ZSWIM6: variants seen among roughly 807,000 people sequenced by gnomAD.
ZSWIM6 encodes the protein zinc finger SWIM-type containing 6.
A neutral mutation model predicts 113.2 loss-of-function variants in ZSWIM6; 9 were observed. The ratio of observed to expected loss-of-function variants is 0.08; its 90% CI spans 0.05 to 0.14. The LOEUF is 0.14. Among genes scored for constraint, ZSWIM6 ranks in the 10% least tolerant of loss-of-function variants. ZSWIM6 has a pLI of 1.00. For synonymous variants in ZSWIM6, 611 were observed against 606.5 expected, an observed-to-expected ratio of 1.01 and a Z score of -0.11; for missense variants, 1,162 against 1,552.2, an observed-to-expected ratio of 0.75 and a Z score of 4.22.
chr5:61,435,991 C>T (rs553595154), intron 1 of ZSWIM6, among the ~76,000 whole-genome samples: 3 of 152,086 alleles, frequency 2.0e-5, no homozygotes, highest in Non-Finnish European at 4.4e-5. Flanking sequence ...CACCTGAAGT[C>T]GGGAGTTCAA....
intron 9 of ZSWIM6, 120 bp downstream of exon 9, chr5:61,531,845 C>G (rs1749443766): frequency 1.8e-6 from 2 of 1,105,122 alleles, no homozygotes; most frequent in Non-Finnish European, 2.5e-6. Flanking sequence ...TTGCTATAGT[C>G]ATGGGGTATC....
chr5:61,466,344 T>A (rs1489362561), intron 1 of ZSWIM6, among the ~76,000 whole-genome samples: 1 of 152,162 alleles, frequency 6.6e-6, no homozygotes, highest in Non-Finnish European at 1.5e-5. Context: ...CACTTTTGCA[T>A]TTTTAGACTT....
rs1478180873 is a variant in ZSWIM6, at chr5:61,538,817, A to G, written c.2385A>G (p.Leu795=). 2 of 1,550,800 alleles carry G rather than the reference A, an allele frequency of 1.3e-6. No homozygotes were observed. The highest frequency in any genetic ancestry group is 2.4e-5 in the East Asian group (1 of 40,910). ...AYKIALRAMR[L]LVLESTAPSG... is the part of the protein sequence containing the mutation. ...CTTCCTTGTCTTCTCATTATAGGTT[A>G]CTAGTATTGGAATCTACTGCTCCAT... is the stretch of plus-strand genomic sequence containing the variant. Residue 795 remains leucine, a synonymous_variant, in exon 11 of 14, where the codon TTA becomes TTG. Coordinates refer to ENST00000252744, the MANE Select transcript of ZSWIM6 (RefSeq NM_020928.2).
intron 1 of ZSWIM6, among the ~76,000 whole-genome samples, chr5:61,450,490 A>T (rs1187256408): frequency 6.6e-6 from 1 of 152,202 alleles, no homozygotes; most frequent in Non-Finnish European, 1.5e-5. Flanking sequence ...AGGCCAAGTA[A>T]GGGCCACAAA....
intron 1 of ZSWIM6, among the ~76,000 whole-genome samples, chr5:61,466,046 T>C (rs868339533): frequency 5.9e-5 from 9 of 152,312 alleles, no homozygotes; most frequent in Middle Eastern, 6.8e-3. Flanking sequence ...AGGAATATGA[T>C]ATTTCATACA....
intron 1 of ZSWIM6, among the ~76,000 whole-genome samples, chr5:61,466,961 C>G (rs1747449558): frequency 6.6e-6 from 1 of 151,928 alleles, no homozygotes; most frequent in African/African-American, 2.4e-5. Context: ...GTGAAATTAA[C>G]ATAGATGATT....
At chr5:61,420,488 A>G (rs962463035) in intron 1 of ZSWIM6, among the ~76,000 whole-genome samples, 1 of 149,802 alleles carries the variant, frequency 6.7e-6, no homozygotes, top group Non-Finnish European at 1.5e-5. Context: ...TTACCAGAAC[A>G]CAATTTTTTT....
intron 1 of ZSWIM6, among the ~76,000 whole-genome samples, chr5:61,422,431 A>G (rs910632422): frequency 2.6e-5 from 4 of 152,110 alleles, no homozygotes; most frequent in African/African-American, 7.2e-5. Context: ...CTAAGTGTCT[A>G]TTTTTATGCT....
At position 61,521,296 on chromosome 5, in the gene ZSWIM6, A is replaced by T. The variant is rs1749114656; in HGVS notation, c.1367A>T (p.His456Leu). The change falls in exon 5 of 14, where the codon CAC becomes CTC. Residue 456 changes from histidine to leucine, a missense_variant. Around this residue, in one of 4 missense-constraint regions of ZSWIM6, gnomAD observed 620 missense variants for 804.6 expected, o/e 0.77. Transcript: ENST00000252744. The stretch of plus-strand genomic sequence containing the variant: ...TGGATGTGTATAGTTTTAAACCCCC[A>T]CTGCAAGTTGGAGCAAAAGGCCAGT... ...ALWMCIVLNP[H>L]CKLEQKASWL... The T allele has an allele frequency of 6.6e-7, 1 of 1,506,840 alleles. No individual in the cohort carries two copies. The highest frequency in any genetic ancestry group is 8.9e-7 in the Non-Finnish European group (1 of 1,125,284). 93.3% of individuals were successfully genotyped at this position (1,506,840 alleles called of 1,614,324 possible).
intron 1 of ZSWIM6, among the ~76,000 whole-genome samples, chr5:61,471,610 G>A (rs891124174): frequency 2.0e-5 from 3 of 152,214 alleles, no homozygotes; most frequent in Non-Finnish European, 4.4e-5. Context: ...ACCCTGGGCC[G>A]TGGACCAGTA....
chr5:61,337,301 A>C (rs1332302087), intron 1 of ZSWIM6, among the ~76,000 whole-genome samples: 2 of 151,866 alleles, frequency 1.3e-5, no homozygotes, highest in African/African-American at 4.8e-5. Context: ...AAACAAAAAC[A>C]AAAAAAACGA....
At chr5:61,527,285 A>T (rs1561279363) in intron 7 of ZSWIM6, among the ~76,000 whole-genome samples, 1 of 151,058 alleles carries the variant, frequency 6.6e-6, no homozygotes, top group African/African-American at 2.4e-5. Flanking sequence ...GTTCGTTTTC[A>T]CTCTGTGATT....
At chr5:61,502,025 T>A (rs754845091) in intron 4 of ZSWIM6, among the ~76,000 whole-genome samples, 40 of 152,156 alleles carry the variant, frequency 2.6e-4, no homozygotes, top group Admixed American at 1.4e-3. Context: ...TAGAGAGTAC[T>A]ATCATGGTAG....
chr5:61,348,089 C>T (rs537582596), intron 1 of ZSWIM6, among the ~76,000 whole-genome samples: 25 of 151,954 alleles, frequency 1.6e-4, no homozygotes, highest in Non-Finnish European at 1.9e-4. Flanking sequence ...GGTGTGGTGG[C>T]GGGCGCCTGT....
chr5:61,370,712 C>T (rs1166644353), intron 1 of ZSWIM6, among the ~76,000 whole-genome samples: 1 of 152,166 alleles, frequency 6.6e-6, no homozygotes, highest in Non-Finnish European at 1.5e-5. Flanking sequence ...GGCCAAAGGG[C>T]ATGTTGGATG....
intron 1 of ZSWIM6, among the ~76,000 whole-genome samples, chr5:61,417,126 G>A (rs924979031): frequency 1.6e-4 from 25 of 151,900 alleles, no homozygotes; most frequent in Non-Finnish European, 2.9e-4. Context: ...TGGGCAACAA[G>A]AGCAAACTCC....
At chr5:61,353,202 G>A (rs1744827813) in intron 1 of ZSWIM6, among the ~76,000 whole-genome samples, 2 of 152,034 alleles carry the variant, frequency 1.3e-5, no homozygotes, top group Non-Finnish European at 1.5e-5. Flanking sequence ...TTTGGGATGA[G>A]GATTGGGATG....
Position 61,423,890 on chromosome 5 carries a change from A to C in ZSWIM6, c.677-48791A>C, listed in dbSNP as rs1579989278. ...TTTCGATACTGGCTGACGACATTTT[A>C]TCCCTCAAAAGCCACCTCCTCAATG... On this transcript the variant is annotated intron_variant, in intron 1 of 13. Coordinates refer to ENST00000252744, the MANE Select transcript of ZSWIM6 (RefSeq NM_020928.2). 2.6e-5 allele frequency among the ~76,000 whole-genome samples: 4 copies of C among 152,300 alleles called. No homozygotes were observed. The South Asian group carries it at 8.3e-4, about 32-fold the overall frequency.
At position 61,339,444 on chromosome 5, in the gene ZSWIM6, A is replaced by G. The variant is rs534144674; in HGVS notation, c.676+6496A>G. Reference sequence around the variant, plus strand: ...AAAATCACATGACTGGATCTGTACTATTTCCACATGCTTTATATTTTTTTG... The same window carrying G: ...AAAATCACATGACTGGATCTGTACTGTTTCCACATGCTTTATATTTTTTTG... On this transcript the variant is annotated intron_variant, in intron 1 of 13. Transcript: ENST00000252744. Among the ~76,000 whole-genome samples, 6 of 152,214 alleles carry G rather than the reference A, an allele frequency of 3.9e-5. No individual in the cohort carries two copies. In the East Asian group the frequency reaches 5.8e-4, roughly 15 times the overall value.
Sources: allele counts gnomAD v4.1 joint callset (sites outside exome capture counted in the v4.1 genomes callset), GRCh38; gene constraint gnomAD v4.1.1; regional missense constraint gnomAD v4.1.1; transcripts MANE v1.5; gene names NCBI Gene and HGNC (gene_info 2026-07-23, HGNC 2026-07-21).